SPAG16: variants seen among roughly 807,000 people sequenced by gnomAD.
SPAG16 encodes the protein sperm associated antigen 16.
In SPAG16, 86 loss-of-function variants were observed where a neutral mutation model predicts 80.4. The observed-to-expected ratio is 1.07, with a 90% CI of 0.90 to 1.28. SPAG16 has a LOEUF of 1.28. Among genes scored for constraint, SPAG16 ranks in the 50% most tolerant of loss-of-function variants. The pLI is 0.00. For missense variants in SPAG16, 870 were observed against 765.3 expected, an observed-to-expected ratio of 1.14 and a Z score of -1.61; for synonymous variants, 294 against 265.9, an observed-to-expected ratio of 1.11 and a Z score of -1.03.
At chr2:214,012,265 T>TATATATATA (rs2047323241) in intron 12 of SPAG16, among the ~76,000 whole-genome samples, 1 of 42,612 alleles carries the variant, frequency 2.3e-5, no homozygotes, top group Non-Finnish European at 4.8e-5. Context: ...CTTACATATA[T>TATATATATA]ATATATATAT....
intron 12 of SPAG16, among the ~76,000 whole-genome samples, chr2:213,996,567 T>C (rs2046526931): frequency 2.1e-5 from 3 of 140,832 alleles, no homozygotes; most frequent in Admixed American, 7.1e-5. Flanking sequence ...ATGCTATTCT[T>C]TTTTTTTTTT....
intron 10 of SPAG16, among the ~76,000 whole-genome samples, chr2:213,680,456 T>G (rs896789493): frequency 1.3e-5 from 2 of 152,060 alleles, no homozygotes; most frequent in African/African-American, 4.8e-5. Context: ...AAAGATGTTT[T>G]ATTACAAAGG....
intron 15 of SPAG16, among the ~76,000 whole-genome samples, chr2:214,174,460 T>C (rs1435768545): frequency 6.6e-6 from 1 of 151,996 alleles, no homozygotes; most frequent in East Asian, 1.9e-4. Context: ...AGCCAAATCA[T>C]GAGTGAACTC....
At chr2:213,366,174 G>C (rs894087267) in intron 8 of SPAG16, among the ~76,000 whole-genome samples, 7 of 149,102 alleles carry the variant, frequency 4.7e-5, no homozygotes, top group African/African-American at 1.7e-4. Context: ...AAAGATAAAA[G>C]ATTAAAGGAA....
chr2:214,123,061 A>G (rs2054297000), intron 14 of SPAG16, among the ~76,000 whole-genome samples: 1 of 151,952 alleles, frequency 6.6e-6, no homozygotes, highest in South Asian at 2.1e-4. Context: ...ATTTCTAGTA[A>G]AAAGTGAAAC....
intron 7 of SPAG16, among the ~76,000 whole-genome samples, chr2:213,357,649 T>C (rs1325822992): frequency 6.6e-6 from 1 of 152,186 alleles, no homozygotes; most frequent in East Asian, 1.9e-4. Flanking sequence ...CCTATGTGTG[T>C]CTCTGCACAT....
At chr2:213,544,984 G>A (rs1375959197) in intron 10 of SPAG16, among the ~76,000 whole-genome samples, 5 of 152,186 alleles carry the variant, frequency 3.3e-5, no homozygotes, top group East Asian at 1.9e-4. Context: ...ATAAACATCC[G>A]TGTGCAGGTT....
chr2:213,696,947 G>A (rs771940851), intron 10 of SPAG16, among the ~76,000 whole-genome samples: 3 of 152,196 alleles, frequency 2.0e-5, no homozygotes, highest in Non-Finnish European at 2.9e-5. Flanking sequence ...GAATATGTAT[G>A]CTGCTAGGAT....
chr2:213,481,754 T>C (rs2073761850), intron 9 of SPAG16, among the ~76,000 whole-genome samples: 2 of 152,186 alleles, frequency 1.3e-5, no homozygotes, highest in African/African-American at 4.8e-5. Context: ...AGAATATTTC[T>C]TGCATTCCCC....
intron 15 of SPAG16, among the ~76,000 whole-genome samples, chr2:214,182,137 A>G (rs558276270): frequency 9.8e-4 from 148 of 151,768 alleles, no homozygotes; most frequent in Non-Finnish European, 1.9e-3. Flanking sequence ...GGAGATTTAA[A>G]TATATATACA....
At chr2:213,637,201 A>T (rs911730638) in intron 10 of SPAG16, among the ~76,000 whole-genome samples, 2 of 152,166 alleles carry the variant, frequency 1.3e-5, no homozygotes, top group East Asian at 3.9e-4. Context: ...TTCTGTATCT[A>T]TTGAGATAAT....
chr2:213,369,442 A>G lies in SPAG16; in HGVS notation c.832+5297A>G, dbSNP rs551690482. 2.0e-5 allele frequency among the ~76,000 whole-genome samples: 3 copies of G among 152,302 alleles called. No homozygotes were observed. In the South Asian group the frequency reaches 6.2e-4, roughly 32 times the overall value. ...GGAAAATAAATTGAGGTGTGGTGGA[A>G]ATGTTTTATATCTTAATTTTGGTGG... On this transcript the variant is annotated intron_variant, in intron 8 of 15. Coordinates refer to ENST00000331683, the MANE Select transcript of SPAG16 (RefSeq NM_024532.5).
chr2:214,235,041 T>C (rs907968287), intron 15 of SPAG16, among the ~76,000 whole-genome samples: 4 of 152,284 alleles, frequency 2.6e-5, no homozygotes, highest in South Asian at 4.1e-4. Flanking sequence ...TATGACCCTC[T>C]TGAAAATAAT....
At chr2:213,838,486 T>C (rs1441603199) in intron 10 of SPAG16, among the ~76,000 whole-genome samples, 2 of 152,180 alleles carry the variant, frequency 1.3e-5, no homozygotes, top group East Asian at 3.9e-4. Flanking sequence ...TCTGACTTTA[T>C]ATGCAGGAAA....
rs552277835 is a variant in SPAG16, at chr2:214,192,528, T to A, written c.1720+43262T>A. 2.6e-5 allele frequency among the ~76,000 whole-genome samples: 4 copies of A among 152,260 alleles called. No individual in the cohort carries two copies. The South Asian group carries it at 8.3e-4, about 32-fold the overall frequency. The stretch of plus-strand genomic sequence containing the variant: ...TTCACAGAGTTTATTTAGCTGTGTT[T>A]AGCTATGCTTTTGTAATGTATTCTT... On this transcript the variant is annotated intron_variant, in intron 15 of 15. Coordinates refer to ENST00000331683, the MANE Select transcript of SPAG16 (RefSeq NM_024532.5).
chr2:214,404,472 G>A (rs1266674934), intron 15 of SPAG16, among the ~76,000 whole-genome samples: 1 of 152,030 alleles, frequency 6.6e-6, no homozygotes, highest in South Asian at 2.1e-4. Context: ...TTATATTTGT[G>A]GTATTTTAGG....
chr2:213,305,524 T>C (rs1319233988), intron 3 of SPAG16, among the ~76,000 whole-genome samples: 2 of 152,174 alleles, frequency 1.3e-5, no homozygotes, highest in Non-Finnish European at 2.9e-5. Context: ...TGTTGAGGTA[T>C]GTTTCTTCTA....
intron 15 of SPAG16, among the ~76,000 whole-genome samples, chr2:214,393,988 T>C (rs1008839895): frequency 9.9e-5 from 15 of 152,220 alleles, no homozygotes; most frequent in Admixed American, 7.9e-4. Context: ...TCTGGTGTAT[T>C]TGGGCACTAC....
chr2:214,323,459 A>G (rs1696252941), intron 15 of SPAG16, among the ~76,000 whole-genome samples: 1 of 152,190 alleles, frequency 6.6e-6, no homozygotes. Context: ...GAAATAGGAC[A>G]TATTTTAACT....
Sources: allele counts gnomAD v4.1 joint callset (sites outside exome capture counted in the v4.1 genomes callset), GRCh38; gene constraint gnomAD v4.1.1; transcripts MANE v1.5; gene names NCBI Gene and HGNC (gene_info 2026-07-23, HGNC 2026-07-21).